ZNF721: variants seen among roughly 807,000 people sequenced by gnomAD.
The protein encoded by ZNF721 is zinc finger protein 721.
In ZNF721, 2 loss-of-function variants were observed where a neutral mutation model predicts 2.4. That is an observed-to-expected ratio of 0.82 (90% CI 0.34 to 2.58). The LOEUF is 2.58. Ranked by LOEUF, ZNF721 falls within the 30% of genes most tolerant of loss-of-function variation. The pLI, the probability that ZNF721 is intolerant of heterozygous loss-of-function variation, is 0.11. For synonymous variants in ZNF721, 398 were observed against 381.8 expected (o/e 1.04, Z -0.50); for missense variants, 1,187 against 1,085.5 (o/e 1.09, Z -1.31).
At chr4:468,956 CA>C (rs1553867207) in intron 2 of ZNF721, among the ~76,000 whole-genome samples, 1 of 151,766 alleles carries the variant, frequency 6.6e-6, no homozygotes, top group African/African-American at 2.4e-5. Flanking sequence ...CTCCTGCCTG[CA>C]AAAGAAGAAA....
In ZNF721 at chr4:443,622, C is replaced by A; in HGVS notation, c.845G>T (p.Cys282Phe). 1 of 1,613,946 alleles carries A rather than the reference C, an allele frequency of 6.2e-7. No individual in the cohort carries two copies. Residue 282 changes from cysteine to phenylalanine, a missense_variant, in exon 3 of 3, where the codon TGT becomes TTT. Cys to Phe is a radical substitution (Grantham distance 205, BLOSUM62 -2). Coordinates refer to ENST00000511833, the MANE Select transcript of ZNF721 (RefSeq NM_133474.4). ...TGTGGAAATATTAAAGGCTTTACCA[C>A]ATTCTAAACATTTAAAGGGTTTCTC... Reference protein sequence around the residue: ...TGEKPFKCLECGKAFNISTTL... With the variant: ...TGEKPFKCLEFGKAFNISTTL...
At chr4:468,062 G>A (rs1004841450) in intron 2 of ZNF721, among the ~76,000 whole-genome samples, 1 of 152,096 alleles carries the variant, frequency 6.6e-6, no homozygotes, top group African/African-American at 2.4e-5. Context: ...GGCGGATCAC[G>A]AGGTCAGGAG....
chr4:479,129 C>G lies in ZNF721; in HGVS notation c.-93-6428G>C, dbSNP rs1185048146. ...AATACCTTTTGTTGGAGAGTCAGCC[C>G]TTTCCCCATTGCTTGGTCACGATAA... On this transcript the variant is annotated intron_variant, in intron 1 of 2. Transcript: ENST00000511833. 2.0e-5 allele frequency among the ~76,000 whole-genome samples: 3 copies of G among 152,268 alleles called. No individual in the cohort carries two copies. In the East Asian group the frequency reaches 5.8e-4, roughly 29 times the overall value.
chr4:458,513 T>G (rs1462681704), intron 2 of ZNF721, among the ~76,000 whole-genome samples: 1 of 151,946 alleles, frequency 6.6e-6, no homozygotes, highest in Non-Finnish European at 1.5e-5. Context: ...ATAACACCAC[T>G]AAAGGAAACT....
At chr4:453,250 G>A (rs1357363079) in intron 2 of ZNF721, among the ~76,000 whole-genome samples, 1 of 152,234 alleles carries the variant, frequency 6.6e-6, no homozygotes, top group Non-Finnish European at 1.5e-5. Context: ...GGAGGCCAGA[G>A]GGATTTGTCA....
At chr4:473,408 C>G (rs1278115883) in intron 1 of ZNF721, among the ~76,000 whole-genome samples, 2 of 152,148 alleles carry the variant, frequency 1.3e-5, no homozygotes, top group Non-Finnish European at 2.9e-5. Flanking sequence ...CAATCATCAT[C>G]CTGATGCCAC....
Position 463,257 on chromosome 4 carries a change from T to C in ZNF721, c.34+9318A>G, listed in dbSNP as rs952391233. Among the ~76,000 whole-genome samples the C allele has an allele frequency of 3.9e-5, 6 of 152,144 alleles. No individual in the cohort carries two copies. The South Asian group carries it at 6.2e-4, about 16-fold the overall frequency. On this transcript the variant is annotated intron_variant, in intron 2 of 2. Transcript: ENST00000511833. ...CAATCATTAAGAAGTCAGGAAACAATAGGTGCTGGAGAGGATGTGGAGAAA... is the reference window on the plus strand; with the variant it reads ...CAATCATTAAGAAGTCAGGAAACAACAGGTGCTGGAGAGGATGTGGAGAAA...
chr4:497,671 G>A (rs539891315), intron 1 of ZNF721, among the ~76,000 whole-genome samples: 3 of 150,304 alleles, frequency 2.0e-5, no homozygotes, highest in South Asian at 2.1e-4. Flanking sequence ...GGCGGATCAC[G>A]AGGTCAGGAG....
At chr4:455,611 G>A (rs1394235464) in intron 2 of ZNF721, among the ~76,000 whole-genome samples, 1 of 151,326 alleles carries the variant, frequency 6.6e-6, no homozygotes, top group African/African-American at 2.4e-5. Flanking sequence ...AGAACATTAT[G>A]TGAAGACAGT....
intron 1 of ZNF721, among the ~76,000 whole-genome samples, chr4:486,865 T>A (rs1412738045): frequency 1.3e-5 from 2 of 152,102 alleles, no homozygotes; most frequent in African/African-American, 2.4e-5. Context: ...TTCCCTGGAG[T>A]GAATTATTTC....
intron 2 of ZNF721, among the ~76,000 whole-genome samples, chr4:465,426 T>C (rs550322938): frequency 7.4e-6 from 1 of 135,996 alleles, no homozygotes; most frequent in Non-Finnish European, 1.5e-5. Context: ...AGCTAGGCTT[T>C]TGTTTTTTGT....
chr4:488,206 T>C (rs1227958132), intron 1 of ZNF721, among the ~76,000 whole-genome samples: 1 of 152,216 alleles, frequency 6.6e-6, no homozygotes, highest in Non-Finnish European at 1.5e-5. Flanking sequence ...CTTCCCGTTT[T>C]TCATTCCTTT....
intron 1 of ZNF721, among the ~76,000 whole-genome samples, chr4:475,104 G>A (rs1715593581): frequency 6.6e-6 from 1 of 151,820 alleles, no homozygotes; most frequent in Non-Finnish European, 1.5e-5. Flanking sequence ...GGAGAATGGC[G>A]TGAACCCAGG....
intron 2 of ZNF721, among the ~76,000 whole-genome samples, chr4:465,982 G>A (rs1449948587): frequency 1.3e-5 from 2 of 150,382 alleles, no homozygotes; most frequent in African/African-American, 2.4e-5. Context: ...TATCTTTTTT[G>A]TTGTCGTTTT....
At chr4:457,441 A>G (rs1714881423) in intron 2 of ZNF721, among the ~76,000 whole-genome samples, 1 of 152,238 alleles carries the variant, frequency 6.6e-6, no homozygotes, top group Non-Finnish European at 1.5e-5. Context: ...CAGCTACAGA[A>G]TAAAATGTGT....
chr4:478,492 T>C lies in ZNF721; in HGVS notation c.-93-5791A>G, dbSNP rs373449185. 1.5e-3 allele frequency among the ~76,000 whole-genome samples: 234 copies of C among 152,272 alleles called. 1 individual carries two copies. Among genetic ancestry groups the C allele is most frequent in the African/African-American group, 5.2e-3 (216 of 41,522 alleles). ...CTCATTTTTTTAACTTTCCCAGTTA[T>C]GTGGATTACAGGCATGAGTCATCAC... On this transcript the variant is annotated intron_variant, in intron 1 of 2. Transcript: ENST00000511833.
rs1553863847 is a variant in ZNF721 at position 444,087 on chromosome 4, T to C, written c.380A>G (p.His127Arg). ...SFQKFSDLTQ[H>R]KGIHAGEKPY... is the part of the protein sequence containing the mutation. ...TTTCTCTCCAGCATGAATTCCTTTA[T>C]GTTGAGTTAGGTCTGAGAACTTCTG... The change falls in exon 3 of 3, where the codon CAT becomes CGT. Residue 127 changes from histidine (H) to arginine (R), a missense_variant. Physicochemically the swap from His to Arg is conservative, Grantham distance 29. Transcript: ENST00000511833. 8.1e-6 allele frequency: 13 copies of C among 1,614,076 alleles called. No homozygotes were observed. The South Asian group carries it at 9.9e-5, about 12-fold the overall frequency.
intron 1 of ZNF721, among the ~76,000 whole-genome samples, chr4:490,417 C>G (rs1553871317): frequency 6.6e-6 from 1 of 151,696 alleles, no homozygotes; most frequent in Non-Finnish European, 1.5e-5. Flanking sequence ...TGCAGTGAGC[C>G]AAGATTGTGC....
At chr4:472,214 C>A (rs1019600172) in intron 2 of ZNF721, among the ~76,000 whole-genome samples, 3 of 152,204 alleles carry the variant, frequency 2.0e-5, no homozygotes, top group Admixed American at 6.5e-5. Context: ...GCACCTGCCA[C>A]CATGCCCAGC....
Sources: allele counts gnomAD v4.1 joint callset (sites outside exome capture counted in the v4.1 genomes callset), GRCh38; gene constraint gnomAD v4.1.1; transcripts MANE v1.5; gene names NCBI Gene and HGNC (gene_info 2026-07-23, HGNC 2026-07-21).